Variants in ARHGAP20 observed in about 807,000 individuals in gnomAD.
ARHGAP20 encodes Rho GTPase activating protein 20, also known as rho GTPase-activating protein 20.
Under a neutral mutation model 73.7 loss-of-function variants are expected in ARHGAP20, and 34 were observed. The observed-to-expected ratio is 0.46, with a 90% CI of 0.35 to 0.61. ARHGAP20 has a LOEUF of 0.61. ARHGAP20 is among the 20% of genes least tolerant of loss of function. ARHGAP20 has a pLI of 0.00. For missense variants in ARHGAP20, 1,314 were observed against 1,420.9 expected, an observed-to-expected ratio of 0.92 and a Z score of 1.21; for synonymous variants, 523 against 518.2, an observed-to-expected ratio of 1.01 and a Z score of -0.13.
At chr11:110,668,439 A>G (rs1949765960) in intron 2 of ARHGAP20, among the ~76,000 whole-genome samples, 1 of 152,242 alleles carries the variant, frequency 6.6e-6, no homozygotes, top group African/African-American at 2.4e-5. Context: ...CCTTGAGCCA[A>G]GGAGGTTGCA....
At chr11:110,704,293 G>A (rs1591194560) in intron 1 of ARHGAP20, among the ~76,000 whole-genome samples, 1 of 152,200 alleles carries the variant, frequency 6.6e-6, no homozygotes, top group Non-Finnish European at 1.5e-5. Context: ...AAAGGCCACA[G>A]AGCAGCTGCG....
chr11:110,623,311 CTAACTT>C (rs1246520833), intron 4 of ARHGAP20, among the ~76,000 whole-genome samples: 1 of 152,166 alleles, frequency 6.6e-6, no homozygotes, highest in African/African-American at 2.4e-5. Context: ...GTGATGGACA[CTAACTT>C]TAAGTGTAAA....
At chr11:110,594,225 A>C (rs1947897323) in intron 9 of ARHGAP20, among the ~76,000 whole-genome samples, 1 of 152,240 alleles carries the variant, frequency 6.6e-6, no homozygotes, top group Non-Finnish European at 1.5e-5. Context: ...CTTCCTTGAA[A>C]TACAGCAAAT....
chr11:110,712,528 GC>G (rs1950692673), upstream of ARHGAP20: 1 of 152,960 alleles, frequency 6.5e-6, no homozygotes, highest in Admixed American at 6.6e-5. Context: ...CGCCCCCGCA[GC>G]CCTCCTCAGC....
In ARHGAP20 at chr11:110,580,292, A is replaced by C. The variant is rs1565417201; in HGVS notation, c.2654T>G (p.Leu885Arg). ...AGLLHGEEDY[L>R]KRHKSLQMEG... ...CATTTGCAAAGACTTATGCCGTTTG[A>C]GATAATCCTCCTCTCCATGCAAGAG... Residue 885 changes from leucine (L) to arginine (R), a missense_variant, in exon 15 of 15, where the codon CTC becomes CGC. By Grantham distance (102) the Leu-to-Arg change is moderately radical. Around this residue, in one of 3 missense-constraint regions of ARHGAP20, gnomAD observed 641 missense variants for 636.9 expected, o/e 1.01. Transcript: ENST00000683387. 1 of 1,614,216 alleles carries C rather than the reference A, an allele frequency of 6.2e-7. No homozygotes were observed. The highest frequency in any genetic ancestry group is 1.7e-5 in the Admixed American group (1 of 60,030).
chr11:110,695,804 T>G (rs1047257944), intron 1 of ARHGAP20, among the ~76,000 whole-genome samples: 1 of 151,614 alleles, frequency 6.6e-6, no homozygotes, highest in Non-Finnish European at 1.5e-5. Flanking sequence ...GATCCTGCAA[T>G]TCTACTCCTA....
intron 2 of ARHGAP20, among the ~76,000 whole-genome samples, chr11:110,672,856 C>T (rs780958761): frequency 3.3e-5 from 5 of 152,122 alleles, no homozygotes; most frequent in Non-Finnish European, 5.9e-5. Context: ...CATTACATGA[C>T]CTAGTAATTC....
At chr11:110,699,334 G>A (rs952195363) in intron 1 of ARHGAP20, among the ~76,000 whole-genome samples, 3 of 151,918 alleles carry the variant, frequency 2.0e-5, no homozygotes, top group South Asian at 4.2e-4. Flanking sequence ...GCATATGGTC[G>A]ATAATGGAGA....
At chr11:110,600,432 G>C (rs1207841433) in intron 9 of ARHGAP20, among the ~76,000 whole-genome samples, 1 of 152,232 alleles carries the variant, frequency 6.6e-6, no homozygotes, top group African/African-American at 2.4e-5. Flanking sequence ...GGCACGTGCA[G>C]CTGTCCGCTA....
At chr11:110,691,031 C>T in intron 1 of ARHGAP20, 1 of 1,503,986 alleles carries the variant, frequency 6.6e-7, no homozygotes, top group East Asian at 2.5e-5. Flanking sequence ...ATTTCACAGG[C>T]AAATTTGGCT....
intron 1 of ARHGAP20, among the ~76,000 whole-genome samples, chr11:110,709,871 T>C (rs1454451548): frequency 6.6e-6 from 1 of 152,200 alleles, no homozygotes; most frequent in Non-Finnish European, 1.5e-5. Flanking sequence ...ATTATTCTGG[T>C]GCAAAGTGGT....
chr11:110,690,931 T>G (rs899002309), intron 1 of ARHGAP20: 1 of 1,368,984 alleles, frequency 7.3e-7, no homozygotes, highest in African/African-American at 1.5e-5. Flanking sequence ...TTACTGGTTA[T>G]CATGTGTCTG....
chr11:110,613,046 C>G (rs191545195), intron 6 of ARHGAP20, among the ~76,000 whole-genome samples: 147 of 152,282 alleles, frequency 9.7e-4, no homozygotes, highest in Non-Finnish European at 1.4e-3. Context: ...CCCATGAAGT[C>G]TTATAACGTG....
intron 1 of ARHGAP20, among the ~76,000 whole-genome samples, chr11:110,705,301 C>T (rs919849541): frequency 6.6e-5 from 10 of 152,134 alleles, no homozygotes; most frequent in South Asian, 2.1e-4. Context: ...ATCCACTGAA[C>T]ATGTTCCACC....
At chr11:110,602,382 A>T (rs754165305) in intron 9 of ARHGAP20, among the ~76,000 whole-genome samples, 3 of 152,274 alleles carry the variant, frequency 2.0e-5, no homozygotes, top group Non-Finnish European at 2.9e-5. Context: ...GTGGTTACAG[A>T]ATATAATATG....
At chr11:110,588,191 G>A (rs995075262) in intron 11 of ARHGAP20, among the ~76,000 whole-genome samples, 1 of 152,144 alleles carries the variant, frequency 6.6e-6, no homozygotes, top group African/African-American at 2.4e-5. Flanking sequence ...AAGGATGTGA[G>A]AGCCGATTCT....
intron 2 of ARHGAP20, among the ~76,000 whole-genome samples, chr11:110,677,671 C>T (rs1426672642): frequency 6.6e-6 from 1 of 151,716 alleles, no homozygotes; most frequent in African/African-American, 2.4e-5. Flanking sequence ...TAAACAAACC[C>T]CACAATAAGC....
chr11:110,703,168 C>A (rs1950490001), intron 1 of ARHGAP20, among the ~76,000 whole-genome samples: 1 of 152,082 alleles, frequency 6.6e-6, no homozygotes, highest in African/African-American at 2.4e-5. Flanking sequence ...TCATCCCAAC[C>A]AGGACCACTT....
chr11:110,699,151 T>C (rs1400826157), intron 1 of ARHGAP20, among the ~76,000 whole-genome samples: 2 of 151,962 alleles, frequency 1.3e-5, no homozygotes, highest in Non-Finnish European at 2.9e-5. Context: ...GATTTCTTAA[T>C]TTCACTGTTT....
Sources: gnomAD v4.1 joint callset for allele counts (sites outside exome capture counted in the v4.1 genomes callset) on GRCh38, gnomAD v4.1.1 for gene constraint, gnomAD v4.1.1 regional missense constraint, MANE v1.5 for transcripts, NCBI Gene and HGNC (gene_info 2026-07-23, HGNC 2026-07-21) for gene names.